TLN2: variants seen among roughly 807,000 people sequenced by gnomAD.
TLN2 encodes talin 2.
In TLN2, 118 loss-of-function variants were observed where a neutral mutation model predicts 294.7. That is an observed-to-expected ratio of 0.40 (90% CI 0.34 to 0.47). The LOEUF is 0.47. TLN2 is among the 20% of genes least tolerant of loss of function. TLN2 has a pLI of 0.84. For synonymous variants in TLN2, 1,431 were observed against 1,304.5 expected, an observed-to-expected ratio of 1.10 and a Z score of -2.09; for missense variants, 3,083 against 3,282.2, an observed-to-expected ratio of 0.94 and a Z score of 1.48.
rs1567729048 is a variant in TLN2 at position 62,840,580 on chromosome 15, A to G, written c.7599A>G (p.Leu2533=). Residue 2533 remains leucine (L), a synonymous_variant, in exon 59 of 59, where the codon TTA becomes TTG. Coordinates refer to ENST00000636159, the MANE Select transcript of TLN2 (RefSeq NM_015059.3). Reference sequence around the variant, plus strand: ...TCCGCCAGCAGCAGTATAAGTTTTTACCCACCGAGCTGAGGGAAGATGAGG... The same window carrying G: ...TCCGCCAGCAGCAGTATAAGTTTTTGCCCACCGAGCTGAGGGAAGATGAGG... ...AQIRQQQYKF[L]PTELREDEG is the part of the protein sequence containing the mutation. The G allele has an allele frequency of 1.2e-6, 2 of 1,614,152 alleles. No homozygotes were observed. Among genetic ancestry groups the G allele is most frequent in the Non-Finnish European group, 1.7e-6 (2 of 1,180,010 alleles).
At chr15:62,834,395 T>G (rs1266406595) in intron 55 of TLN2, 1 of 152,120 alleles carries the variant, frequency 6.6e-6, no homozygotes, top group Non-Finnish European at 1.5e-5. Flanking sequence ...TCATTGTCAT[T>G]CATTTCTGTT....
At chr15:62,709,910 T>A (rs2059315520) in intron 21 of TLN2, among the ~76,000 whole-genome samples, 1 of 151,964 alleles carries the variant, frequency 6.6e-6, no homozygotes, top group African/African-American at 2.4e-5. Context: ...AATTTTTGTA[T>A]TTTTAGTAGA....
chr15:62,549,335 C>A (rs1295251982), intron 1 of TLN2, among the ~76,000 whole-genome samples: 1 of 152,184 alleles, frequency 6.6e-6, no homozygotes, highest in African/African-American at 2.4e-5. Context: ...CAGGGTTTCA[C>A]TTTAATTGAG....
chr15:62,737,065 G>C lies in TLN2; in HGVS notation c.3546G>C (p.Glu1182Asp), dbSNP rs2061059550. Residue 1182 changes from glutamate (E) to aspartate (D), a missense_variant, in exon 29 of 59, where the codon GAG (glutamate) becomes GAC (aspartate). Coordinates refer to ENST00000636159, the MANE Select transcript of TLN2 (RefSeq NM_015059.3). ...KQALIAPGDAERQQRLAQVAK... is the reference protein window; with the variant it reads ...KQALIAPGDADRQQRLAQVAK... The stretch of plus-strand genomic sequence containing the variant: ...CCCTGATTGCACCTGGAGATGCAGA[G>C]CGTCAACAAAGACTGGCTCAGGTGA... 9 of 1,614,228 alleles carry C rather than the reference G, an allele frequency of 5.6e-6. No homozygotes were observed. The highest frequency in any genetic ancestry group is 7.6e-6 in the Non-Finnish European group (9 of 1,180,038).
chr15:62,510,377 A>G (rs1286716588), intron 1 of TLN2, among the ~76,000 whole-genome samples: 2 of 152,212 alleles, frequency 1.3e-5, no homozygotes, highest in Non-Finnish European at 2.9e-5. Context: ...TCATTTCATC[A>G]TTCTGAGCTT....
intron 1 of TLN2, among the ~76,000 whole-genome samples, chr15:62,497,399 A>G (rs7176470): frequency 0.16 from 24,132 of 152,130 alleles, 1,966 homozygotes; most frequent in Non-Finnish European, 0.18. Flanking sequence ...AAGTGGATGG[A>G]CCCTTAGTTA....
chr15:62,646,390 G>A (rs2051845262), intron 3 of TLN2, among the ~76,000 whole-genome samples: 1 of 152,128 alleles, frequency 6.6e-6, no homozygotes, highest in South Asian at 2.1e-4. Flanking sequence ...TCGAACTCCT[G>A]AGTTCAAGTG....
chr15:62,820,714 A>C, intron 54 of TLN2, 104 bp downstream of exon 54: 2 of 1,447,822 alleles, frequency 1.4e-6, no homozygotes, highest in Non-Finnish European at 1.9e-6. Context: ...CTCCTTCCTT[A>C]TGGTCAGACT....
At chr15:62,688,134 A>G (rs1161398134) in intron 12 of TLN2, among the ~76,000 whole-genome samples, 1 of 152,176 alleles carries the variant, frequency 6.6e-6, no homozygotes, top group East Asian at 1.9e-4. Context: ...TATTTATTGA[A>G]AACAAAAATT....
intron 12 of TLN2, 118 bp downstream of exon 12, chr15:62,686,914 G>T: frequency 7.4e-7 from 1 of 1,356,992 alleles, no homozygotes; most frequent in South Asian, 1.4e-5. Flanking sequence ...AGCCAGCGTG[G>T]AGTGAGGAAG....
intron 9 of TLN2, among the ~76,000 whole-genome samples, chr15:62,667,834 C>T (rs779182370): frequency 1.4e-4 from 21 of 152,162 alleles, no homozygotes; most frequent in Admixed American, 5.9e-4. Flanking sequence ...AAATGAGGTT[C>T]GATTATGTAC....
intron 1 of TLN2, among the ~76,000 whole-genome samples, chr15:62,434,475 T>C (rs2035186602): frequency 6.6e-6 from 1 of 152,122 alleles, no homozygotes; most frequent in Non-Finnish European, 1.5e-5. Flanking sequence ...GTGTGCACTC[T>C]TGTGCATGCG....
intron 43 of TLN2, among the ~76,000 whole-genome samples, chr15:62,777,766 T>C (rs1288581803): frequency 6.6e-6 from 1 of 152,206 alleles, no homozygotes; most frequent in African/African-American, 2.4e-5. Context: ...GCTACAGACA[T>C]GTAAGAGAAC....
intron 52 of TLN2, among the ~76,000 whole-genome samples, chr15:62,816,004 A>G (rs2067084563): frequency 6.6e-6 from 1 of 152,204 alleles, no homozygotes; most frequent in Admixed American, 6.5e-5. Context: ...TGCAACCGTC[A>G]TCAAAGAAAC....
rs151104808 is a variant in TLN2, at chr15:62,825,198, A to G, written c.7002+4588A>G. ...CGGGTTTCAAGATGCTGCCCCAATC[A>G]GTCCCTCCTTCACACAGCTAGAGAA... On this transcript the variant is annotated intron_variant, in intron 54 of 58. Coordinates refer to ENST00000636159, the MANE Select transcript of TLN2 (RefSeq NM_015059.3). Among the ~76,000 whole-genome samples, 42 of 152,318 alleles carry G rather than the reference A, an allele frequency of 2.8e-4. No homozygotes were observed. The East Asian group carries it at 6.9e-3, about 25-fold the overall frequency.
intron 1 of TLN2, among the ~76,000 whole-genome samples, chr15:62,421,870 C>G (rs1031457596): frequency 2.0e-5 from 3 of 151,922 alleles, no homozygotes; most frequent in African/African-American, 7.3e-5. Context: ...AGTCTTCTGA[C>G]TTAAGCAAGA....
chr15:62,749,612 A>G (rs2061807667), intron 33 of TLN2, among the ~76,000 whole-genome samples: 1 of 152,042 alleles, frequency 6.6e-6, no homozygotes, highest in African/African-American at 2.4e-5. Context: ...CTTCTCTCCC[A>G]GCCCCCCACC....
intron 54 of TLN2, among the ~76,000 whole-genome samples, chr15:62,824,530 C>G (rs1458729366): frequency 1.3e-5 from 2 of 152,128 alleles, no homozygotes; most frequent in Non-Finnish European, 2.9e-5. Context: ...TCCTCCATAC[C>G]AGCTGCATGG....
chr15:62,463,748 G>A lies in TLN2; in HGVS notation c.-238+73063G>A, dbSNP rs764421043. Among the ~76,000 whole-genome samples, 8 of 152,240 alleles carry A rather than the reference G, an allele frequency of 5.3e-5. No homozygotes were observed. In the Middle Eastern group the frequency reaches 0.01, roughly 194 times the overall value. ...AAAACACACAAAAAATTAGCCAGGCGTGGTGGTGGGCACCAGTAGTCCCAG... is the reference window on the plus strand; with the variant it reads ...AAAACACACAAAAAATTAGCCAGGCATGGTGGTGGGCACCAGTAGTCCCAG... On this transcript the variant is annotated intron_variant, in intron 1 of 58. Coordinates refer to ENST00000636159, the MANE Select transcript of TLN2 (RefSeq NM_015059.3).
Sources: allele counts gnomAD v4.1 joint callset (sites outside exome capture counted in the v4.1 genomes callset), GRCh38; gene constraint gnomAD v4.1.1; transcripts MANE v1.5; gene names NCBI Gene and HGNC (gene_info 2026-07-23, HGNC 2026-07-21).